The following PLD1 variants were observed in gnomAD, a reference collection of about 807,000 sequenced individuals.
PLD1 encodes the protein phospholipase D1.
Under a neutral mutation model 137.1 loss-of-function variants are expected in PLD1, and 112 were observed. The observed-to-expected ratio is 0.82, with a 90% confidence interval of 0.70 to 0.96. The LOEUF is 0.96. PLD1 is among the 40% of genes least tolerant of loss of function. The pLI, the probability that PLD1 is intolerant of heterozygous loss-of-function variation, is 0.00. For synonymous variants in PLD1, 431 were observed against 454.7 expected, an observed-to-expected ratio of 0.95 and a Z score of 0.66; for missense variants, 1,321 against 1,342.0, an observed-to-expected ratio of 0.98 and a Z score of 0.24.
rs1414865070 is a variant in PLD1 at position 171,601,840 on chromosome 3, T to C, written c.*1238A>G. ...TTGTTCAGCTTAGTAAAATTTAGTT[T>C]ATCAAAGGGTACTCTAACATCCGAA... is the stretch of plus-strand genomic sequence containing the variant. On this transcript the variant is annotated 3_prime_UTR_variant, in exon 27 of 27. Transcript: ENST00000351298. 1 of 152,204 alleles carries C rather than the reference T, an allele frequency of 6.6e-6. No individual in the cohort carries two copies. The allele number at this position is 152,204 out of a possible 1,614,324, so 9.4% of individuals were successfully genotyped here. A position where few individuals can be genotyped will look rare whatever the true frequency, so the allele number is the denominator to read the frequency against.
At chr3:171,774,015 T>G (rs1011735009) in intron 1 of PLD1, among the ~76,000 whole-genome samples, 7 of 152,198 alleles carry the variant, frequency 4.6e-5, no homozygotes, top group African/African-American at 1.7e-4. Context: ...CCCAAAGTGC[T>G]GGGATTACAG....
intron 1 of PLD1, among the ~76,000 whole-genome samples, chr3:171,758,950 C>T (rs374625239): frequency 2.6e-5 from 4 of 152,224 alleles, no homozygotes; most frequent in African/African-American, 9.6e-5. Flanking sequence ...TACATTAAGT[C>T]TTTGGCAAAT....
At chr3:171,640,709 C>G (rs1426485757) in intron 23 of PLD1, among the ~76,000 whole-genome samples, 1 of 152,134 alleles carries the variant, frequency 6.6e-6, no homozygotes, top group African/African-American at 2.4e-5. Flanking sequence ...AGCTTAGGGC[C>G]TTCTCAATCC....
At chr3:171,720,293 C>CAGA (rs1553832997) in intron 8 of PLD1, among the ~76,000 whole-genome samples, 1 of 67,916 alleles carries the variant, frequency 1.5e-5, no homozygotes. Context: ...GACCCTGTCT[C>CAGA]AAAAAAAAAA....
At chr3:171,712,023 G>C (rs74675410) in intron 9 of PLD1, among the ~76,000 whole-genome samples, 6 of 152,172 alleles carry the variant, frequency 3.9e-5, no homozygotes, top group African/African-American at 1.2e-4. Flanking sequence ...AAGACTATGC[G>C]TGAGGAGGGA....
chr3:171,778,758 C>T (rs1722673511), intron 1 of PLD1, among the ~76,000 whole-genome samples: 1 of 152,170 alleles, frequency 6.6e-6, no homozygotes, highest in Admixed American at 6.5e-5. Context: ...CTAGGGAGTC[C>T]AGTTATGTAT....
chr3:171,809,811 T>A (rs1020766527), intron 1 of PLD1: 1 of 152,468 alleles, frequency 6.6e-6, no homozygotes, highest in African/African-American at 2.4e-5. Flanking sequence ...TTTTACACAC[T>A]CCCTGCTGCT....
At chr3:171,751,202 AG>A (rs1720633838) in intron 1 of PLD1, among the ~76,000 whole-genome samples, 1 of 152,222 alleles carries the variant, frequency 6.6e-6, no homozygotes, top group South Asian at 2.1e-4. Context: ...AAATATTTTT[AG>A]GATTAAAGAG....
intron 16 of PLD1, 141 bp from the exon 17 acceptor site, chr3:171,677,835 C>A: frequency 1.3e-6 from 1 of 755,506 alleles, no homozygotes. Flanking sequence ...CATTCTATTA[C>A]AGGCTGTGGG....
chr3:171,636,004 G>T (rs1429389623), intron 23 of PLD1, among the ~76,000 whole-genome samples: 12 of 41,640 alleles, frequency 2.9e-4, no homozygotes, highest in East Asian at 1.1e-3. Flanking sequence ...TTTTGCAAGT[G>T]GATATCTAGT....
intron 1 of PLD1, among the ~76,000 whole-genome samples, chr3:171,759,909 G>A (rs1208688303): frequency 1.3e-5 from 2 of 152,150 alleles, no homozygotes; most frequent in East Asian, 3.9e-4. Flanking sequence ...TGTCCTTTCG[G>A]TTATTGTCAT....
chr3:171,773,429 C>A (rs987787713), intron 1 of PLD1, among the ~76,000 whole-genome samples: 1 of 151,994 alleles, frequency 6.6e-6, no homozygotes, highest in Non-Finnish European at 1.5e-5. Context: ...CATCTAAACC[C>A]CGTCTCTACT....
At chr3:171,735,004 C>G (rs760826324) in intron 4 of PLD1, 34 bp from the exon 5 acceptor site, 11 of 1,152,402 alleles carry the variant, frequency 9.5e-6, no homozygotes, top group Non-Finnish European at 1.4e-5. Context: ...CAAACACCTA[C>G]TAGATTATTC....
At chr3:171,639,606 ATATATTATATATAATATATATTC>A (rs2108361803) in intron 23 of PLD1, among the ~76,000 whole-genome samples, 1 of 80,500 alleles carries the variant, frequency 1.2e-5, no homozygotes, top group East Asian at 2.9e-4. Flanking sequence ...TTCATATAAT[ATATATTATATATAATATATATTC>A]TATATAATAT....
At chr3:171,665,846 A>G (rs1371657466) in intron 19 of PLD1, among the ~76,000 whole-genome samples, 1 of 152,192 alleles carries the variant, frequency 6.6e-6, no homozygotes, top group Non-Finnish European at 1.5e-5. Context: ...CATCTATCCC[A>G]TTGCCTGAGT....
chr3:171,635,248 G>A (rs1173430585), intron 23 of PLD1, among the ~76,000 whole-genome samples: 1 of 152,018 alleles, frequency 6.6e-6, no homozygotes, highest in Non-Finnish European at 1.5e-5. Flanking sequence ...ACAGATTTTT[G>A]TGTGGACATT....
intron 1 of PLD1, among the ~76,000 whole-genome samples, chr3:171,747,235 G>A (rs576002848): frequency 6.6e-6 from 1 of 152,314 alleles, no homozygotes; most frequent in South Asian, 2.1e-4. Flanking sequence ...CGTGAAGTCA[G>A]TGCAGACCAA....
At chr3:171,678,158 A>G (rs943666739) in intron 16 of PLD1, among the ~76,000 whole-genome samples, 1 of 152,170 alleles carries the variant, frequency 6.6e-6, no homozygotes, top group African/African-American at 2.4e-5. Context: ...TCCTCAACCA[A>G]CATGGTGCAC....
At chr3:171,660,140 T>A (rs1737544976) in intron 20 of PLD1, among the ~76,000 whole-genome samples, 1 of 152,234 alleles carries the variant, frequency 6.6e-6, no homozygotes, top group African/African-American at 2.4e-5. Context: ...TTGCTAATCA[T>A]CTCAAGGTAA....
Sources: allele counts gnomAD v4.1 joint callset (sites outside exome capture counted in the v4.1 genomes callset), GRCh38; gene constraint gnomAD v4.1.1; transcripts MANE v1.5; gene names NCBI Gene and HGNC (gene_info 2026-07-23, HGNC 2026-07-21).